CACNA2D1: variants seen among roughly 807,000 people sequenced by gnomAD.
The protein encoded by CACNA2D1 is calcium voltage-gated channel auxiliary subunit alpha2delta 1.
A neutral mutation model predicts 171.5 loss-of-function variants in CACNA2D1; 53 were observed. The ratio of observed to expected loss-of-function variants is 0.31; its 90% CI spans 0.25 to 0.39. The LOEUF (loss-of-function observed/expected upper bound fraction) is 0.39, where lower values mean the gene tolerates loss of function less well. Among genes scored for constraint, CACNA2D1 ranks in the 10% least tolerant of loss-of-function variants. The probability of loss-of-function intolerance (pLI) is 1.00; values close to 1 mark genes in which losing one functional copy is unlikely to be tolerated. For missense variants in CACNA2D1, 903 were observed against 1,299.8 expected (o/e 0.69, Z 4.69); for synonymous variants, 442 against 443.1 (o/e 1.00, Z 0.03).
intron 1 of CACNA2D1, among the ~76,000 whole-genome samples, chr7:82,403,702 C>G (rs913944506): frequency 1.3e-5 from 2 of 152,160 alleles, no homozygotes; most frequent in Non-Finnish European, 2.9e-5. Context: ...GGAATCAGCA[C>G]CCCTACCCCA....
intron 6 of CACNA2D1, among the ~76,000 whole-genome samples, chr7:82,100,266 A>T (rs2129034309): frequency 6.6e-6 from 1 of 152,090 alleles, no homozygotes; most frequent in African/African-American, 2.4e-5. Context: ...ATGCAAATTT[A>T]TTTTCTTGAT....
intron 36 of CACNA2D1, among the ~76,000 whole-genome samples, chr7:81,961,104 G>A (rs1347824875): frequency 6.6e-6 from 1 of 150,904 alleles, no homozygotes; most frequent in Admixed American, 6.6e-5. Context: ...TTCTTCTTCC[G>A]CTATGGTAAC....
chr7:82,040,469 A>C (rs1044978123), intron 10 of CACNA2D1, among the ~76,000 whole-genome samples: 7 of 137,086 alleles, frequency 5.1e-5, no homozygotes, highest in Non-Finnish European at 9.6e-5. Context: ...AAAAAAAAAA[A>C]AACAGAAGGC....
chr7:82,198,073 C>T (rs1309960870), intron 3 of CACNA2D1, among the ~76,000 whole-genome samples: 3 of 151,970 alleles, frequency 2.0e-5, no homozygotes, highest in Non-Finnish European at 4.4e-5. Context: ...CAGGAGAATG[C>T]CATTCATTTC....
intron 4 of CACNA2D1, among the ~76,000 whole-genome samples, chr7:82,164,273 G>C (rs962158305): frequency 6.6e-6 from 1 of 151,878 alleles, no homozygotes; most frequent in African/African-American, 2.4e-5. Context: ...ACTAGACTAT[G>C]GTTTTCTTAG....
intron 3 of CACNA2D1, among the ~76,000 whole-genome samples, chr7:82,179,406 A>T (rs1796889482): frequency 6.6e-6 from 1 of 152,142 alleles, no homozygotes; most frequent in Non-Finnish European, 1.5e-5. Flanking sequence ...AAAATCCCAC[A>T]AAATTAAGTC....
intron 3 of CACNA2D1, among the ~76,000 whole-genome samples, chr7:82,270,898 T>C (rs1172399892): frequency 6.6e-6 from 1 of 152,136 alleles, no homozygotes; most frequent in Non-Finnish European, 1.5e-5. Flanking sequence ...CTAACTGTAT[T>C]TTCTCCATAA....
At chr7:82,336,856 T>G (rs1295588871) in intron 2 of CACNA2D1, among the ~76,000 whole-genome samples, 2 of 152,200 alleles carry the variant, frequency 1.3e-5, no homozygotes, top group African/African-American at 2.4e-5. Flanking sequence ...TAGTGTGCAT[T>G]GTACCATTAA....
chr7:81,988,878 T>C (rs1562828392), intron 21 of CACNA2D1, among the ~76,000 whole-genome samples: 1 of 152,170 alleles, frequency 6.6e-6, no homozygotes, highest in Non-Finnish European at 1.5e-5. Context: ...CAGATGATAA[T>C]CAGTAGAAAT....
intron 4 of CACNA2D1, among the ~76,000 whole-genome samples, chr7:82,142,113 C>G (rs1215437335): frequency 6.6e-6 from 1 of 152,200 alleles, no homozygotes; most frequent in Non-Finnish European, 1.5e-5. Context: ...TCAGCAACAG[C>G]TTCAAACTAG....
chr7:82,354,703 G>A lies in CACNA2D1; in HGVS notation c.96-5054C>T, dbSNP rs542093178. On this transcript the variant is annotated intron_variant, in intron 1 of 38. Transcript: ENST00000356860. ...GTATTTAAGGACTTGGCACTATACCGGAGGTCATCAGTTTCCACCGGTACT... is the reference window on the plus strand; with the variant it reads ...GTATTTAAGGACTTGGCACTATACCAGAGGTCATCAGTTTCCACCGGTACT... Among the ~76,000 whole-genome samples the A allele has an allele frequency of 9.2e-5, 14 of 152,238 alleles. No homozygotes were observed. In the South Asian group the frequency reaches 2.1e-3, roughly 23 times the overall value.
chr7:82,280,436 C>T (rs1175502952), intron 3 of CACNA2D1, among the ~76,000 whole-genome samples: 1 of 152,134 alleles, frequency 6.6e-6, no homozygotes, highest in African/African-American at 2.4e-5. Context: ...CTAATATCTT[C>T]CCAAATGACA....
intron 6 of CACNA2D1, among the ~76,000 whole-genome samples, chr7:82,105,019 ATTATC>A (rs1446777749): frequency 6.6e-6 from 1 of 152,032 alleles, no homozygotes; most frequent in Non-Finnish European, 1.5e-5. Flanking sequence ...CCCTTCAGGA[ATTATC>A]TTATTTTTCA....
chr7:82,147,818 A>T (rs1254002125), intron 4 of CACNA2D1, among the ~76,000 whole-genome samples: 2 of 152,210 alleles, frequency 1.3e-5, no homozygotes, highest in Non-Finnish European at 2.9e-5. Context: ...GGAGCCTCAA[A>T]GAACATTAGG....
intron 1 of CACNA2D1, among the ~76,000 whole-genome samples, chr7:82,415,549 C>A (rs904175820): frequency 2.6e-5 from 4 of 151,664 alleles, no homozygotes; most frequent in Non-Finnish European, 5.9e-5. Flanking sequence ...CAAAAAAAAA[C>A]CCTGAAATTT....
At chr7:82,171,629 T>C (rs543924435) in intron 3 of CACNA2D1, among the ~76,000 whole-genome samples, 21 of 152,232 alleles carry the variant, frequency 1.4e-4, no homozygotes, top group African/African-American at 4.8e-4. Flanking sequence ...AAACAATATA[T>C]ATGTCAACTA....
At chr7:81,966,489 C>T (rs566400859) in intron 31 of CACNA2D1, among the ~76,000 whole-genome samples, 13 of 151,270 alleles carry the variant, frequency 8.6e-5, no homozygotes, top group Non-Finnish European at 1.5e-4. Flanking sequence ...GTGATAAAGA[C>T]GATATGAACC....
intron 5 of CACNA2D1, among the ~76,000 whole-genome samples, chr7:82,133,036 T>C (rs1791183852): frequency 6.6e-6 from 1 of 152,150 alleles, no homozygotes; most frequent in African/African-American, 2.4e-5. Flanking sequence ...GACATGATAA[T>C]TTATTGGTTT....
Position 82,116,093 on chromosome 7 carries a change from G to A in CACNA2D1, c.526+951C>T, listed in dbSNP as rs145996511. ...ACACTCTACCGCGTCTCAATTAAGA[G>A]GAATACAAGAAACACGTTCTTTACA... is the stretch of plus-strand genomic sequence containing the variant. On this transcript the variant is annotated intron_variant, in intron 6 of 38. Coordinates refer to ENST00000356860, the MANE Select transcript of CACNA2D1 (RefSeq NM_000722.4). Among the ~76,000 whole-genome samples, 989 of 152,238 alleles carry A rather than the reference G, an allele frequency of 6.5e-3. 9 individuals are homozygous for A. The highest frequency in any genetic ancestry group is 0.022 in the African/African-American group (894 of 41,530).
Sources: allele counts gnomAD v4.1 joint callset (sites outside exome capture counted in the v4.1 genomes callset), GRCh38; gene constraint gnomAD v4.1.1; transcripts MANE v1.5; gene names NCBI Gene and HGNC (gene_info 2026-07-23, HGNC 2026-07-21).